The following CNTNAP2 variants were observed in gnomAD, a reference collection of about 807,000 sequenced individuals.
CNTNAP2 encodes the protein contactin associated protein 2, also known as contactin-associated protein-like 2.
CNTNAP2 carries 98 observed loss-of-function variants against 155.2 expected under a neutral mutation model. The observed-to-expected ratio is 0.63, with a 90% CI of 0.54 to 0.75. The LOEUF (loss-of-function observed/expected upper bound fraction) is 0.75, where lower values mean the gene tolerates loss of function less well. Among genes scored for constraint, CNTNAP2 ranks in the 30% least tolerant of loss-of-function variants. The pLI is 0.00. For missense variants in CNTNAP2, 1,727 were observed against 1,688.1 expected (o/e 1.02, Z -0.40); for synonymous variants, 651 against 631.2 (o/e 1.03, Z -0.47).
intron 3 of CNTNAP2, among the ~76,000 whole-genome samples, chr7:146,952,183 G>A (rs779327648): frequency 1.3e-5 from 2 of 152,112 alleles, no homozygotes; most frequent in Admixed American, 1.3e-4. Context: ...AAAGCTACAT[G>A]ATAATCTCAA....
chr7:146,234,639 A>G (rs1023332050), intron 1 of CNTNAP2, among the ~76,000 whole-genome samples: 12 of 151,878 alleles, frequency 7.9e-5, no homozygotes, highest in African/African-American at 2.7e-4. Flanking sequence ...TAATTTTTGT[A>G]TAAGGTGTAA....
At chr7:148,109,173 T>C in intron 15 of CNTNAP2, among the ~76,000 whole-genome samples, 1 of 152,170 alleles carries the variant, frequency 6.6e-6, no homozygotes, top group East Asian at 1.9e-4. Context: ...TCACATTTGT[T>C]GATCTTTTGT....
intron 14 of CNTNAP2, among the ~76,000 whole-genome samples, 185 bp downstream of exon 14, chr7:147,903,906 G>A (rs888426017): frequency 6.6e-6 from 1 of 152,222 alleles, no homozygotes; most frequent in African/African-American, 2.4e-5. Context: ...AAAGAGGTCA[G>A]TGCGACAAGG....
At chr7:148,236,989 C>A (rs1401149791) in intron 20 of CNTNAP2, among the ~76,000 whole-genome samples, 1 of 152,232 alleles carries the variant, frequency 6.6e-6, no homozygotes, top group African/African-American at 2.4e-5. Flanking sequence ...ATTTTGGACA[C>A]TGGGAATTAC....
rs1024202983 is a variant in CNTNAP2, at chr7:147,395,483, C to T, written c.1499-126C>T. On this transcript the variant is annotated intron_variant, in intron 9 of 23. Coordinates refer to ENST00000361727, the MANE Select transcript of CNTNAP2 (RefSeq NM_014141.6). ...CTTCCTTTTTCTACACTGAATATAA[C>T]ATCAGCAAGGATTAAAGAAACAGTA... 1.2e-5 allele frequency: 11 copies of T among 935,458 alleles called. No homozygotes were observed. The African/African-American group carries it at 1.8e-4, about 15-fold the overall frequency. The allele number at this position is 935,458 out of a possible 1,614,324, so 57.9% of individuals were successfully genotyped here.
At chr7:146,305,081 A>G (rs921582142) in intron 1 of CNTNAP2, among the ~76,000 whole-genome samples, 6 of 152,070 alleles carry the variant, frequency 3.9e-5, no homozygotes, top group Admixed American at 3.3e-4. Flanking sequence ...AAGCTTGTCC[A>G]TGCATCACGT....
chr7:146,828,753 T>C (rs1210684124), intron 2 of CNTNAP2, among the ~76,000 whole-genome samples: 5 of 152,226 alleles, frequency 3.3e-5, no homozygotes, highest in Middle Eastern at 3.4e-3. Context: ...TTACAGGTCA[T>C]GTAAGTGTTC....
chr7:147,265,658 T>C (rs1804590415), intron 8 of CNTNAP2, among the ~76,000 whole-genome samples: 1 of 152,056 alleles, frequency 6.6e-6, no homozygotes. Context: ...CAAAGGACAG[T>C]CAAAGTGCTT....
chr7:146,588,649 G>A (rs1023202518), intron 1 of CNTNAP2, among the ~76,000 whole-genome samples: 10 of 151,896 alleles, frequency 6.6e-5, no homozygotes, highest in Admixed American at 6.6e-4. Flanking sequence ...CTGGGACTAC[G>A]AGTGTATGCC....
At chr7:146,594,054 A>G (rs1407690272) in intron 1 of CNTNAP2, among the ~76,000 whole-genome samples, 1 of 152,118 alleles carries the variant, frequency 6.6e-6, no homozygotes, top group Non-Finnish European at 1.5e-5. Flanking sequence ...GAATCCTCAT[A>G]GGTTAGTTTA....
intron 13 of CNTNAP2, among the ~76,000 whole-genome samples, chr7:147,663,982 A>G (rs1420759239): frequency 6.6e-6 from 1 of 152,236 alleles, no homozygotes; most frequent in East Asian, 1.9e-4. Context: ...TCTGGAAAAT[A>G]AAAACAAAGT....
chr7:147,144,045 AT>A (rs1179022294), intron 8 of CNTNAP2, among the ~76,000 whole-genome samples: 1 of 151,978 alleles, frequency 6.6e-6, no homozygotes, highest in East Asian at 1.9e-4. Context: ...AAGAGAATAA[AT>A]TTTTTTTGTA....
chr7:147,683,271 G>T (rs944600971), intron 13 of CNTNAP2, among the ~76,000 whole-genome samples: 6 of 151,924 alleles, frequency 3.9e-5, no homozygotes, highest in Admixed American at 3.9e-4. Context: ...ATGAAACTTT[G>T]ATATATGCAA....
chr7:148,238,666 C>T (rs1337964009), intron 20 of CNTNAP2, among the ~76,000 whole-genome samples: 3 of 152,148 alleles, frequency 2.0e-5, no homozygotes, highest in East Asian at 1.9e-4. Context: ...CAAGGTCCAA[C>T]GTTAAGGCTA....
intron 15 of CNTNAP2, among the ~76,000 whole-genome samples, chr7:148,070,645 G>A (rs1803362913): frequency 6.6e-6 from 1 of 151,618 alleles, no homozygotes; most frequent in Non-Finnish European, 1.5e-5. Flanking sequence ...TTGAACCCAG[G>A]AGGCAAAGGT....
At chr7:147,031,459 A>C (rs1029892557) in intron 3 of CNTNAP2, among the ~76,000 whole-genome samples, 2 of 152,234 alleles carry the variant, frequency 1.3e-5, no homozygotes, top group African/African-American at 4.8e-5. Context: ...CCCAGTATCT[A>C]TCAATACAAA....
intron 15 of CNTNAP2, among the ~76,000 whole-genome samples, chr7:148,053,304 C>A (rs969031988): frequency 6.6e-6 from 1 of 152,108 alleles, no homozygotes; most frequent in Non-Finnish European, 1.5e-5. Flanking sequence ...TTGTAAAATA[C>A]ACATTATTCA....
chr7:146,138,350 G>T (rs1306885479), intron 1 of CNTNAP2, among the ~76,000 whole-genome samples: 1 of 152,026 alleles, frequency 6.6e-6, no homozygotes, highest in Non-Finnish European at 1.5e-5. Context: ...TTTATCTCAA[G>T]ATTTTTTTAA....
chr7:147,785,527 T>C (rs908016569), intron 13 of CNTNAP2, among the ~76,000 whole-genome samples: 1 of 152,018 alleles, frequency 6.6e-6, no homozygotes, highest in Non-Finnish European at 1.5e-5. Context: ...AAAGCAAGAA[T>C]AGGGTAAATA....
Sources: gnomAD v4.1 joint callset for allele counts (sites outside exome capture counted in the v4.1 genomes callset) on GRCh38, gnomAD v4.1.1 for gene constraint, MANE v1.5 for transcripts, NCBI Gene and HGNC (gene_info 2026-07-23, HGNC 2026-07-21) for gene names.